The following TNS2 variants were observed in gnomAD, a reference collection of about 807,000 sequenced individuals.
The protein encoded by TNS2 is tensin-2.
In TNS2, 77 loss-of-function variants were observed where a neutral mutation model predicts 155.7. That is an observed-to-expected ratio of 0.49 (90% CI 0.41 to 0.60). The LOEUF (loss-of-function observed/expected upper bound fraction) is 0.60. Ranked by LOEUF, TNS2 falls within the 20% of genes least tolerant of loss-of-function variation. TNS2 has a pLI of 0.00. For missense variants in TNS2, 1,703 were observed against 1,868.8 expected, an observed-to-expected ratio of 0.91 and a Z score of 1.64; for synonymous variants, 726 against 763.9, an observed-to-expected ratio of 0.95 and a Z score of 0.82.
chr12:53,055,506 C>T, intron 8 of TNS2, 62 bp from the exon 9 acceptor site: 2 of 1,546,196 alleles, frequency 1.3e-6, no homozygotes, highest in Non-Finnish European at 1.7e-6. Context: ...CCCCTTTCCA[C>T]CCTGCCCATC....
chr12:53,054,535 C>A lies in TNS2; in HGVS notation c.522+94C>A, dbSNP rs188240884. The A allele has an allele frequency of 1.7e-3, 2,082 of 1,195,850 alleles. 36 individuals are homozygous for A. In the African/African-American group the frequency reaches 0.031, roughly 18 times the overall value. The allele number at this position is 1,195,850 out of a possible 1,614,324, so 74.1% of individuals were successfully genotyped here. On this transcript the variant is annotated intron_variant, in intron 7 of 28. Transcript: ENST00000314250. The stretch of plus-strand genomic sequence containing the variant: ...ACTGACGTCACCAGCGGAGGCGAGG[C>A]CGCCAGGGGGCGGGACCAGAGTGGT...
intron 8 of TNS2, 57 bp downstream of exon 8, chr12:53,055,293 C>T: frequency 1.3e-6 from 2 of 1,569,650 alleles, no homozygotes; most frequent in South Asian, 1.1e-5. Context: ...CCCCAGAAGC[C>T]CCCAGCTTCC....
At chr12:53,049,279 G>A, upstream of TNS2, 1 of 1,586,084 alleles carries the variant, frequency 6.3e-7, no homozygotes, top group African/African-American at 1.3e-5. Flanking sequence ...TTGCCGCGGG[G>A]GGAGGGTGCA....
At chr12:53,051,368 G>A (rs1943924287) in intron 1 of TNS2, among the ~76,000 whole-genome samples, 1 of 152,114 alleles carries the variant, frequency 6.6e-6, no homozygotes, top group South Asian at 2.1e-4. Flanking sequence ...CTGGAGCGTG[G>A]GGACAGCAGG....
At chr12:53,054,552 C>A in intron 7 of TNS2, 111 bp downstream of exon 7, 1 of 1,151,322 alleles carries the variant, frequency 8.7e-7, no homozygotes, top group Non-Finnish European at 1.1e-6. Context: ...GGGGCGGGAC[C>A]AGAGTGGTGG....
Position 53,059,081 on chromosome 12 carries a change from C to T in TNS2, c.1440C>T (p.Gly480=), listed in dbSNP as rs1309145169. The T allele has an allele frequency of 1.9e-6, 3 of 1,541,462 alleles. No homozygotes were observed. The highest frequency in any genetic ancestry group is 2.6e-6 in the Non-Finnish European group (3 of 1,147,688). ...SLTHTRGPLD[G]SPYAQVQRPP... Reference sequence around the variant, plus strand: ...CCCACACCCGGGGTCCCCTGGATGGCAGTCCTTATGCCCAGGTGCAGCGGC... The same window carrying T: ...CCCACACCCGGGGTCCCCTGGATGGTAGTCCTTATGCCCAGGTGCAGCGGC... The change falls in exon 18 of 29, where the codon GGC becomes GGT. Residue 480 remains glycine, a synonymous_variant. Transcript: ENST00000314250. The surrounding 1 kb of genome is among the most constrained non-coding windows in gnomAD (Gnocchi z 4.7).
At chr12:53,048,006 T>C (rs1358915973), upstream of TNS2, among the ~76,000 whole-genome samples, 3 of 151,974 alleles carry the variant, frequency 2.0e-5, no homozygotes, top group East Asian at 3.9e-4. Flanking sequence ...ACCCAAGACT[T>C]CGGAGAGAGA....
Position 53,059,444 on chromosome 12 carries a change from C to T in TNS2, c.1803C>T (p.Pro601=). The change falls in exon 18 of 29, where the codon CCC becomes CCT. Residue 601 remains proline (P), a synonymous_variant. Transcript: ENST00000314250. This position sits in a 1 kb window ranked among gnomAD's most constrained non-coding sequence, Gnocchi z 4.7. ...CCTGCCGCCAGGGCTACCGGGAGCC[C>T]TGCGGGGTTCCCAATGGGGGCTACT... The part of the protein sequence containing the change: ...HCSCRQGYRE[P]CGVPNGGYYR... The T allele has an allele frequency of 1.3e-6, 2 of 1,502,074 alleles. No individual in the cohort carries two copies. The highest frequency in any genetic ancestry group is 1.8e-6 in the Non-Finnish European group (2 of 1,130,102). 93.0% of individuals were successfully genotyped at this position (1,502,074 alleles called of 1,614,324 possible).
At chr12:53,048,414 T>C (rs1943805279), upstream of TNS2, among the ~76,000 whole-genome samples, 1 of 152,098 alleles carries the variant, frequency 6.6e-6, no homozygotes, top group Non-Finnish European at 1.5e-5. Flanking sequence ...CCATGTGCCA[T>C]AGGAGCAGAA....
At chr12:53,054,129 C>T in intron 6 of TNS2, 115 bp downstream of exon 6, 2 of 1,561,632 alleles carry the variant, frequency 1.3e-6, no homozygotes, top group Non-Finnish European at 1.8e-6. Context: ...ACCCCCAAAG[C>T]GGTATTCTCC....
Position 53,054,299 on chromosome 12 carries a change from G to A in TNS2, c.380G>A (p.Arg127Gln). 1 of 1,613,212 alleles carries A rather than the reference G, an allele frequency of 6.2e-7. No individual in the cohort carries two copies. Among genetic ancestry groups the A allele is most frequent in the Non-Finnish European group, 8.5e-7 (1 of 1,179,916 alleles). Reference protein sequence around the residue: ...RSFSLDPLMERRWDLDLTYVT... With the variant: ...RSFSLDPLMEQRWDLDLTYVT... ...TTCAGCCTGGACCCGCTCATGGAGC[G>A]GCGCTGGGACTTAGACCTCACCTAC... is the stretch of plus-strand genomic sequence containing the variant. Residue 127 changes from arginine to glutamine, a missense_variant, in exon 7 of 29, where the codon CGG becomes CAG. Coordinates refer to ENST00000314250, the MANE Select transcript of TNS2 (RefSeq NM_170754.4).
In TNS2 at chr12:53,059,689, G is replaced by A. The variant is rs776103542; in HGVS notation, c.2048G>A (p.Gly683Glu). Residue 683 changes from glycine to glutamate, a missense_variant, in exon 18 of 29, where the codon GGG becomes GAG. Gly to Glu is a moderately conservative substitution (Grantham distance 98). Coordinates refer to ENST00000314250, the MANE Select transcript of TNS2 (RefSeq NM_170754.4). This position sits in a 1 kb window ranked among gnomAD's most constrained non-coding sequence, Gnocchi z 4.7. ...GAGGTGGTCATCCTGGAGGACCCTG[G>A]GCTGCCTGCCCTATACCCATGCCCA... ...YREVVILEDP[G>E]LPALYPCPAC... The A allele has an allele frequency of 2.2e-5, 35 of 1,613,112 alleles. No individual in the cohort carries two copies. In the African/African-American group the frequency reaches 3.1e-4, roughly 14 times the overall value.
chr12:53,062,544 G>T, intron 24 of TNS2, 76 bp from the exon 25 acceptor site: 1 of 1,608,330 alleles, frequency 6.2e-7, no homozygotes, highest in South Asian at 1.1e-5. Flanking sequence ...CCTTCCCTTG[G>T]GGAAGCAGAG....
chr12:53,053,082 C>T (rs1215103308), intron 3 of TNS2: 4 of 390,346 alleles, frequency 1.0e-5, no homozygotes, highest in South Asian at 4.3e-5. Flanking sequence ...TGCCCAGGGG[C>T]GGGGTCTCCC....
chr12:53,048,289 A>T (rs1943799893), upstream of TNS2, among the ~76,000 whole-genome samples: 1 of 151,886 alleles, frequency 6.6e-6, no homozygotes, highest in Non-Finnish European at 1.5e-5. Context: ...CTGGGTGGGG[A>T]GTGTGAGACC....
chr12:53,047,870 C>G (rs1223358547), upstream of TNS2, among the ~76,000 whole-genome samples: 1 of 152,194 alleles, frequency 6.6e-6, no homozygotes, highest in East Asian at 1.9e-4. Flanking sequence ...CCCCCAGAGC[C>G]GCCGCCCTCC....
intron 6 of TNS2, 47 bp downstream of exon 6, chr12:53,054,061 G>C (rs955396528): frequency 6.2e-7 from 1 of 1,612,364 alleles, no homozygotes; most frequent in African/African-American, 1.3e-5. Flanking sequence ...CTTTCCGCCG[G>C]CCCCACACCT....
At chr12:53,062,729 C>T in intron 25 of TNS2, 32 bp downstream of exon 25, 1 of 1,611,154 alleles carries the variant, frequency 6.2e-7, no homozygotes, top group Non-Finnish European at 8.5e-7. Flanking sequence ...CCCTCCCTCT[C>T]CCTGGGCACC....
rs1944222525 is a variant in TNS2 at position 53,058,051 on chromosome 12, GCAGCTTTGCAT to G, written c.1049_1059del (p.Leu350ProfsTer51). On this transcript the variant is annotated frameshift_variant, in exon 14 of 29. Transcript: ENST00000314250. LOFTEE classifies it high-confidence loss of function. ...GTCACATTGCAGGCCCTGGTCCCCAGCAGCTTTGCATCAGCCTGGAGCCAGCCCTCCTCCTC... is the reference window on the plus strand; with the variant it reads ...GTCACATTGCAGGCCCTGGTCCCCAGCAGCCTGGAGCCAGCCCTCCTCCTC... 1 of 1,614,002 alleles carries G rather than the reference GCAGCTTTGCAT, an allele frequency of 6.2e-7. No individual in the cohort carries two copies. Among genetic ancestry groups the G allele is most frequent in the African/African-American group, 1.3e-5 (1 of 74,928 alleles).
Sources: allele counts gnomAD v4.1 joint callset (sites outside exome capture counted in the v4.1 genomes callset), GRCh38; gene constraint gnomAD v4.1.1; non-coding constraint Gnocchi (gnomAD v3.1); transcripts MANE v1.5; gene names NCBI Gene and HGNC (gene_info 2026-07-23, HGNC 2026-07-21).